Variants in DEPDC1B observed in about 807,000 individuals in gnomAD.
The protein encoded by DEPDC1B is DEP domain containing 1B.
Under a neutral mutation model 66.5 loss-of-function variants are expected in DEPDC1B, and 51 were observed. The ratio of observed to expected loss-of-function variants is 0.77; its 90% CI spans 0.61 to 0.97. The LOEUF (loss-of-function observed/expected upper bound fraction) is 0.97. Ranked by LOEUF, DEPDC1B falls within the 50% of genes least tolerant of loss-of-function variation. The probability of loss-of-function intolerance (pLI) is 0.00; values close to 1 mark genes in which losing one functional copy is unlikely to be tolerated. For missense variants in DEPDC1B, 552 were observed against 637.1 expected (o/e 0.87, Z 1.44); for synonymous variants, 226 against 223.6 (o/e 1.01, Z -0.10).
intron 2 of DEPDC1B, among the ~76,000 whole-genome samples, chr5:60,664,064 C>T (rs1036902801): frequency 1.3e-5 from 2 of 152,334 alleles, no homozygotes; most frequent in African/African-American, 2.4e-5. Flanking sequence ...AAAGCCAATA[C>T]CCATTTAGTA....
chr5:60,663,747 C>T (rs1276485810), intron 2 of DEPDC1B, among the ~76,000 whole-genome samples: 1 of 152,230 alleles, frequency 6.6e-6, no homozygotes, highest in Non-Finnish European at 1.5e-5. Context: ...CTTCTAGCCA[C>T]CCATTCAGAA....
At chr5:60,620,076 T>G (rs1284084626) in intron 7 of DEPDC1B, among the ~76,000 whole-genome samples, 1 of 152,200 alleles carries the variant, frequency 6.6e-6, no homozygotes, top group African/African-American at 2.4e-5. Flanking sequence ...CTGGGAAAAC[T>G]GGCTAGCCAT....
chr5:60,597,951 AC>A, intron 10 of DEPDC1B, 37 bp from the exon 11 acceptor site: 1 of 1,520,332 alleles, frequency 6.6e-7, no homozygotes, highest in Non-Finnish European at 8.8e-7. Flanking sequence ...GTAAAAAAAG[AC>A]ACATAAAAGC....
In DEPDC1B at chr5:60,642,305, T is replaced by A. The variant is rs1753208166; in HGVS notation, c.757+507A>T. ...AATCATTAGAATCCCTTCTTTGGGTTAACCCTTGTGAAAATTCCCAGAAGA... is the reference window on the plus strand; with the variant it reads ...AATCATTAGAATCCCTTCTTTGGGTAAACCCTTGTGAAAATTCCCAGAAGA... On this transcript the variant is annotated intron_variant, in intron 6 of 10. Coordinates refer to ENST00000265036, the MANE Select transcript of DEPDC1B (RefSeq NM_018369.3). Among the ~76,000 whole-genome samples the A allele has an allele frequency of 2.0e-5, 3 of 152,206 alleles. No individual in the cohort carries two copies. The South Asian group carries it at 6.2e-4, about 32-fold the overall frequency.
At chr5:60,639,644 C>G (rs1753142351) in intron 6 of DEPDC1B, among the ~76,000 whole-genome samples, 1 of 152,176 alleles carries the variant, frequency 6.6e-6, no homozygotes, top group Non-Finnish European at 1.5e-5. Context: ...GTGTCTGGCC[C>G]AAAGAGGAAC....
At chr5:60,682,690 G>GGAAATGGATATATTCATA (rs1754322856) in intron 2 of DEPDC1B, among the ~76,000 whole-genome samples, 1 of 152,010 alleles carries the variant, frequency 6.6e-6, no homozygotes. Flanking sequence ...AAAACCTAAA[G>GGAAATGGATATATTCATA]GAAATGGATA....
At chr5:60,678,390 G>A (rs1229759026) in intron 2 of DEPDC1B, among the ~76,000 whole-genome samples, 1 of 152,130 alleles carries the variant, frequency 6.6e-6, no homozygotes, top group Non-Finnish European at 1.5e-5. Flanking sequence ...GAGTTTTTGT[G>A]TAAACATTGT....
At chr5:60,693,962 A>T (rs1754601653) in intron 1 of DEPDC1B, among the ~76,000 whole-genome samples, 1 of 152,126 alleles carries the variant, frequency 6.6e-6, no homozygotes. Context: ...CATTACATAA[A>T]CATAATGAAG....
chr5:60,667,017 C>A (rs528730251), intron 2 of DEPDC1B, among the ~76,000 whole-genome samples: 2 of 152,144 alleles, frequency 1.3e-5, no homozygotes, highest in South Asian at 4.1e-4. Flanking sequence ...TACTTTAAGT[C>A]ACTAAAGTTT....
chr5:60,597,881 G>A lies in DEPDC1B; in HGVS notation c.1462C>T (p.Arg488Ter), dbSNP rs750658887. 8.1e-6 allele frequency: 13 copies of A among 1,611,550 alleles called. No homozygotes were observed. The highest frequency in any genetic ancestry group is 3.3e-5 in the South Asian group (3 of 90,664). Residue 488 changes from arginine (R) to a stop codon, truncating the protein, a stop_gained, in exon 11 of 11, where the codon CGA becomes TGA. Transcript: ENST00000265036. LOFTEE classifies it high-confidence loss of function. ...GCTGCACTTTCTGGTGTAGGAAATC[G>A]TTCTTGATAGACTTCAGGATAGGAT... ...QKSYPEVYQE[R>*]FPTPESAALL...
At position 60,672,892 on chromosome 5, in the gene DEPDC1B, C is replaced by A. The variant is rs116110148; in HGVS notation, c.314+14070G>T. ...TTCACCTGATATGGGGAGGACTGAGCGACCTTAACTGGGGAACAGAGGTAG... is the reference window on the plus strand; with the variant it reads ...TTCACCTGATATGGGGAGGACTGAGAGACCTTAACTGGGGAACAGAGGTAG... On this transcript the variant is annotated intron_variant, in intron 2 of 10. Coordinates refer to ENST00000265036, the MANE Select transcript of DEPDC1B (RefSeq NM_018369.3). Among the ~76,000 whole-genome samples the A allele has an allele frequency of 5.6e-3, 850 of 152,190 alleles. 5 individuals are homozygous for A. Among genetic ancestry groups the A allele is most frequent in the Non-Finnish European group, 8.3e-3 (561 of 67,998 alleles).
intron 7 of DEPDC1B, among the ~76,000 whole-genome samples, chr5:60,616,895 A>G (rs983169212): frequency 3.3e-5 from 5 of 152,282 alleles, no homozygotes; most frequent in Admixed American, 1.3e-4. Flanking sequence ...GAGAAAGGTC[A>G]GGTTACCCAC....
chr5:60,653,185 T>C lies in DEPDC1B; in HGVS notation c.315-5652A>G, dbSNP rs79201049. Among the ~76,000 whole-genome samples the C allele has an allele frequency of 2.4e-3, 353 of 149,520 alleles. 50 individuals are homozygous for C. Among genetic ancestry groups the C allele is most frequent in the African/African-American group, 8.8e-3 (350 of 39,826 alleles). ...CTTTAAGTTCTTTAAGGAATCTCCA[T>C]CCACACTGTTTTCCATAGTTGTACT... On this transcript the variant is annotated intron_variant, in intron 2 of 10. Transcript: ENST00000265036.
At position 60,645,422 on chromosome 5, in the gene DEPDC1B, A is replaced by G. The variant is rs1315945292; in HGVS notation, c.578+70T>C. 16 of 1,386,588 alleles carry G rather than the reference A, an allele frequency of 1.2e-5. No homozygotes were observed. In the African/African-American group the frequency reaches 2.3e-4, roughly 20 times the overall value. The allele number at this position is 1,386,588 out of a possible 1,614,324, so 85.9% of individuals were successfully genotyped here. ...CATAATTTCAGAAAATTAAATATGC[A>G]GAGAGTGAAGAAGTAGCAAAATAGG... On this transcript the variant is annotated intron_variant, in intron 4 of 10. Transcript: ENST00000265036.
Position 60,647,542 on chromosome 5 carries a change from CAAG to C in DEPDC1B, c.315-12_315-10del. On this transcript the variant is annotated splice_polypyrimidine_tract_variant and intron_variant, in intron 2 of 10. Coordinates refer to ENST00000265036, the MANE Select transcript of DEPDC1B (RefSeq NM_018369.3). ...GTGAAGAAGGAGGAAATCTAAAACC[CAAG>C]AAGAAATTCTCTATTACTGCAGTCA... 6.2e-7 allele frequency: 1 copy of C among 1,609,650 alleles called. No homozygotes were observed. Among genetic ancestry groups the C allele is most frequent in the South Asian group, 1.1e-5 (1 of 90,226 alleles).
chr5:60,694,928 C>T (rs1754621733), intron 1 of DEPDC1B, among the ~76,000 whole-genome samples: 1 of 152,120 alleles, frequency 6.6e-6, no homozygotes, highest in Non-Finnish European at 1.5e-5. Context: ...TCTAGCTATA[C>T]AATGATTTTG....
chr5:60,658,206 T>A (rs917672278), intron 2 of DEPDC1B, among the ~76,000 whole-genome samples: 1 of 152,316 alleles, frequency 6.6e-6, no homozygotes, highest in Non-Finnish European at 1.5e-5. Flanking sequence ...TCCTGTATCA[T>A]TTTTTAAATT....
At chr5:60,614,783 G>C (rs1320795905) in intron 7 of DEPDC1B, among the ~76,000 whole-genome samples, 2 of 152,172 alleles carry the variant, frequency 1.3e-5, no homozygotes, top group East Asian at 3.9e-4. Flanking sequence ...CTGAGGTCAG[G>C]AGTTCGAGAC....
intron 7 of DEPDC1B, among the ~76,000 whole-genome samples, chr5:60,625,230 G>A (rs1752786906): frequency 6.6e-6 from 1 of 152,094 alleles, no homozygotes; most frequent in South Asian, 2.1e-4. Context: ...CTTTATAGTA[G>A]AATGATTTAT....
Sources: allele counts gnomAD v4.1 joint callset (sites outside exome capture counted in the v4.1 genomes callset), GRCh38; gene constraint gnomAD v4.1.1; transcripts MANE v1.5; gene names NCBI Gene and HGNC (gene_info 2026-07-23, HGNC 2026-07-21).